IMMP2L: variants seen among roughly 807,000 people sequenced by gnomAD.
The protein encoded by IMMP2L is mitochondrial inner membrane protease subunit 2.
A neutral mutation model predicts 19.3 loss-of-function variants in IMMP2L; 18 were observed. The ratio of observed to expected loss-of-function variants is 0.93; its 90% confidence interval spans 0.64 to 1.38. IMMP2L has a LOEUF of 1.38. Ranked by LOEUF, IMMP2L falls within the 40% of genes most tolerant of loss-of-function variation. IMMP2L has a pLI of 0.00. For missense variants in IMMP2L, 233 were observed against 218.2 expected (o/e 1.07, Z -0.43); for synonymous variants, 76 against 73.0 (o/e 1.04, Z -0.21).
chr7:111,352,452 T>C (rs989921841), intron 3 of IMMP2L, among the ~76,000 whole-genome samples: 2 of 151,422 alleles, frequency 1.3e-5, no homozygotes, highest in South Asian at 2.1e-4. Context: ...TGAGTAATCA[T>C]TGTGCCTCAA....
intron 3 of IMMP2L, among the ~76,000 whole-genome samples, chr7:111,281,216 A>AAAGAAAGAAAGAAAGAAAGAAAG (rs1819809403): frequency 1.0e-4 from 4 of 38,798 alleles, no homozygotes; most frequent in African/African-American, 2.9e-4. Flanking sequence ...GAAAGAAAGA[A>AAAGAAAGAAAGAAAGAAAGAAAG]AAAGAAAGAA....
intron 3 of IMMP2L, among the ~76,000 whole-genome samples, chr7:111,280,073 A>G (rs1304906834): frequency 6.6e-6 from 1 of 152,090 alleles, no homozygotes; most frequent in African/African-American, 2.4e-5. Flanking sequence ...AACACCATCA[A>G]TGACTTCACA....
chr7:110,678,553 G>A (rs1584479772), intron 5 of IMMP2L, among the ~76,000 whole-genome samples: 1 of 152,028 alleles, frequency 6.6e-6, no homozygotes, highest in East Asian at 1.9e-4. Context: ...AGAAGGTAAT[G>A]GACATGATCC....
At position 111,268,220 on chromosome 7, in the gene IMMP2L, A is replaced by T. The variant is rs1818029407; in HGVS notation, c.239+219018T>A. ...AGACATTCTCTTTTAAAAAGCTGATATCCCTAAAAGGAGTAGGATATTAGG... is the reference window on the plus strand; with the variant it reads ...AGACATTCTCTTTTAAAAAGCTGATTTCCCTAAAAGGAGTAGGATATTAGG... On this transcript the variant is annotated intron_variant, in intron 3 of 5. Transcript: ENST00000405709. Among the ~76,000 whole-genome samples the T allele has an allele frequency of 5.3e-5, 8 of 152,086 alleles. No individual in the cohort carries two copies. The South Asian group carries it at 1.7e-3, about 32-fold the overall frequency.
At chr7:111,478,521 T>TA (rs1243938488) in intron 3 of IMMP2L, among the ~76,000 whole-genome samples, 1 of 152,026 alleles carries the variant, frequency 6.6e-6, no homozygotes, top group Non-Finnish European at 1.5e-5. Context: ...TCAGCCTCTG[T>TA]AGTAGCTAGA....
At chr7:110,817,643 C>T (rs1802650157) in intron 5 of IMMP2L, among the ~76,000 whole-genome samples, 1 of 152,044 alleles carries the variant, frequency 6.6e-6, no homozygotes, top group South Asian at 2.1e-4. Flanking sequence ...AAAAAAGAGC[C>T]CGCATAGCCA....
intron 3 of IMMP2L, among the ~76,000 whole-genome samples, chr7:111,069,992 A>C (rs895586001): frequency 1.1e-4 from 16 of 152,216 alleles, no homozygotes; most frequent in African/African-American, 3.1e-4. Context: ...CTTCAAAGAC[A>C]GTCCATATAT....
At chr7:111,523,057 T>C (rs1002152465) in intron 1 of IMMP2L, among the ~76,000 whole-genome samples, 4 of 151,776 alleles carry the variant, frequency 2.6e-5, no homozygotes, top group Non-Finnish European at 5.9e-5. Context: ...CACTCATATA[T>C]AGAATCTAAA....
At chr7:110,699,031 A>T (rs913860168) in intron 5 of IMMP2L, among the ~76,000 whole-genome samples, 7 of 152,212 alleles carry the variant, frequency 4.6e-5, no homozygotes, top group African/African-American at 1.4e-4. Flanking sequence ...GCAGTGAAAG[A>T]TGAGGAGATT....
chr7:110,719,522 C>T (rs1385448804), intron 5 of IMMP2L, among the ~76,000 whole-genome samples: 2 of 151,986 alleles, frequency 1.3e-5, no homozygotes, highest in East Asian at 3.9e-4. Flanking sequence ...TATTAAAATA[C>T]AAAAATGTAC....
At chr7:110,891,460 G>C (rs1209516196) in intron 4 of IMMP2L, among the ~76,000 whole-genome samples, 40 of 152,066 alleles carry the variant, frequency 2.6e-4, no homozygotes, top group Admixed American at 2.6e-3. Context: ...CCTCAAATGT[G>C]GTTTTCAGGT....
chr7:111,316,845 CTTTTTTTTTTTTTTTTT>C (rs869155077), intron 3 of IMMP2L, among the ~76,000 whole-genome samples: 8 of 75,898 alleles, frequency 1.1e-4, no homozygotes, highest in African/African-American at 3.9e-4. Context: ...TTTTTTTTTT[CTTTTTTTTTTTTTTTTT>C]TTTTTTGAGA....
At chr7:111,500,702 C>G (rs1844129697) in intron 2 of IMMP2L, among the ~76,000 whole-genome samples, 1 of 152,170 alleles carries the variant, frequency 6.6e-6, no homozygotes, top group Admixed American at 6.6e-5. Flanking sequence ...TGCTGATACC[C>G]AGGCATACAG....
intron 3 of IMMP2L, among the ~76,000 whole-genome samples, chr7:111,481,312 T>C (rs973119009): frequency 6.6e-6 from 1 of 152,158 alleles, no homozygotes. Context: ...TATTCAACCA[T>C]AGCATCGTAC....
intron 4 of IMMP2L, among the ~76,000 whole-genome samples, chr7:110,950,778 T>C (rs10268193): frequency 0.041 from 6,029 of 148,634 alleles, 413 homozygotes; most frequent in African/African-American, 0.14. Context: ...GCTGTTGAGT[T>C]CTATGAGTTT....
chr7:110,749,926 T>G (rs1562954599), intron 5 of IMMP2L, among the ~76,000 whole-genome samples: 1 of 151,992 alleles, frequency 6.6e-6, no homozygotes, highest in Non-Finnish European at 1.5e-5. Context: ...GCCATTATGT[T>G]AAACTTCAGA....
intron 3 of IMMP2L, among the ~76,000 whole-genome samples, chr7:111,111,412 A>C (rs1208766880): frequency 2.0e-5 from 3 of 147,906 alleles, no homozygotes. Flanking sequence ...TCCCCCCCCA[A>C]AAAAAAATGG....
intron 3 of IMMP2L, among the ~76,000 whole-genome samples, chr7:111,144,335 A>G (rs1803245934): frequency 1.3e-5 from 2 of 152,316 alleles, no homozygotes; most frequent in African/African-American, 2.4e-5. Context: ...CGTAAATTCT[A>G]GGAACATAGC....
At chr7:110,851,027 AGACT>A (rs1364313059) in intron 5 of IMMP2L, among the ~76,000 whole-genome samples, 1 of 152,132 alleles carries the variant, frequency 6.6e-6, no homozygotes, top group Non-Finnish European at 1.5e-5. Context: ...GAAAACAAAA[AGACT>A]TATGTTGATT....
Sources: gnomAD v4.1 joint callset for allele counts (sites outside exome capture counted in the v4.1 genomes callset) on GRCh38, gnomAD v4.1.1 for gene constraint, MANE v1.5 for transcripts, NCBI Gene and HGNC (gene_info 2026-07-23, HGNC 2026-07-21) for gene names.